Variants in ZDHHC7 observed in about 807,000 individuals in gnomAD.
ZDHHC7 encodes zDHHC palmitoyltransferase 7, also known as palmitoyltransferase ZDHHC7.
ZDHHC7 carries 12 observed loss-of-function variants against 34.1 expected under a neutral mutation model. The observed-to-expected ratio is 0.35, with a 90% CI of 0.23 to 0.57. The LOEUF (loss-of-function observed/expected upper bound fraction) is 0.57, where lower values mean the gene tolerates loss of function less well. Ranked by LOEUF, ZDHHC7 falls within the 20% of genes least tolerant of loss-of-function variation. The pLI, the probability that ZDHHC7 is intolerant of heterozygous loss-of-function variation, is 0.84. For missense variants in ZDHHC7, 388 were observed against 402.7 expected, an observed-to-expected ratio of 0.96 and a Z score of 0.31; for synonymous variants, 185 against 155.4, an observed-to-expected ratio of 1.19 and a Z score of -1.42.
Position 84,976,176 on chromosome 16 carries a change from C to A in ZDHHC7, c.*167G>T, listed in dbSNP as rs2072294329. On this transcript the variant is annotated 3_prime_UTR_variant, in exon 8 of 8. Transcript: ENST00000313732. The stretch of plus-strand genomic sequence containing the variant: ...TACAGGTGGGGACTGAGAGCCTCTT[C>A]CTCTGCCATCTGTGACTATAAATAT... 1 of 866,404 alleles carries A rather than the reference C, an allele frequency of 1.2e-6. No homozygotes were observed. Among genetic ancestry groups the A allele is most frequent in the Non-Finnish European group, 1.7e-6 (1 of 573,346 alleles). The allele number at this position is 866,404 out of a possible 1,614,324, so 53.7% of individuals were successfully genotyped here. A position where few individuals can be genotyped will look rare whatever the true frequency, so the allele number is the denominator to read the frequency against.
chr16:85,012,270 C>A (rs1438229044), upstream of ZDHHC7, among the ~76,000 whole-genome samples: 1 of 151,264 alleles, frequency 6.6e-6, no homozygotes, highest in Non-Finnish European at 1.5e-5. Flanking sequence ...GTAATCCCAG[C>A]AGCTACTCGA....
chr16:85,024,326 G>C, the ZDHHC7 span, among the ~76,000 whole-genome samples: 2 of 147,318 alleles, frequency 1.4e-5, no homozygotes, highest in African/African-American at 5.0e-5. Flanking sequence ...CCGCCTCCCA[G>C]GTTCAAGTGA....
chr16:84,979,207 T>C lies in ZDHHC7; in HGVS notation c.519A>G (p.Arg173=). 1.3e-6 allele frequency: 2 copies of C among 1,598,272 alleles called. No homozygotes were observed. Among genetic ancestry groups the C allele is most frequent in the Non-Finnish European group, 1.7e-6 (2 of 1,176,008 alleles). ...TACTTACAGTGAAGAGCACAAAAAATCTTTGATTCTTTTCTCCTACACAAT... is the reference window on the plus strand; with the variant it reads ...TACTTACAGTGAAGAGCACAAAAAACCTTTGATTCTTTTCTCCTACACAAT... ...VNNCVGEKNQ[R]FFVLFTMYIA... is the part of the protein sequence containing the mutation. Residue 173 remains arginine (R), a synonymous_variant, in exon 5 of 8, where the codon AGA becomes AGG. Coordinates refer to ENST00000313732, the MANE Select transcript of ZDHHC7 (RefSeq NM_017740.3).
At chr16:84,982,159 C>A in intron 3 of ZDHHC7, 165 bp from the exon 4 acceptor site, 1 of 743,366 alleles carries the variant, frequency 1.3e-6, no homozygotes, top group Non-Finnish European at 2.1e-6. Context: ...GCCTGGTCAA[C>A]ATGGTGAAAC....
chr16:84,978,576 T>C (rs1043776774), intron 5 of ZDHHC7, among the ~76,000 whole-genome samples: 7 of 147,360 alleles, frequency 4.8e-5, no homozygotes, highest in African/African-American at 1.5e-4. Context: ...TATAAAAAAA[T>C]AAACGGCCGG....
intron 2 of ZDHHC7, among the ~76,000 whole-genome samples, chr16:84,991,943 T>G (rs2072514938): frequency 6.6e-6 from 1 of 151,842 alleles, no homozygotes; most frequent in Non-Finnish European, 1.5e-5. Context: ...CTCATGCCTG[T>G]AATCCCAGCA....
intron 1 of ZDHHC7, among the ~76,000 whole-genome samples, 174 bp from the exon 2 acceptor site, chr16:84,996,181 T>A: frequency 6.6e-6 from 1 of 152,352 alleles, no homozygotes; most frequent in Middle Eastern, 3.4e-3. Context: ...GATTACTAGG[T>A]AAATTCACAA....
At chr16:85,012,875 C>G (rs75205315), upstream of ZDHHC7, among the ~76,000 whole-genome samples, 20,876 of 151,946 alleles carry the variant, frequency 0.14, 1,794 homozygotes, top group East Asian at 0.31. Context: ...CCATTGCACT[C>G]CAACCTGGGT....
intron 4 of ZDHHC7, 147 bp from the exon 5 acceptor site, chr16:84,979,432 T>A: frequency 8.2e-7 from 1 of 1,220,732 alleles, no homozygotes; most frequent in Non-Finnish European, 1.1e-6. Flanking sequence ...ACTATATTCC[T>A]TTAAGGTTTA....
chr16:85,020,044 G>A, the ZDHHC7 span, among the ~76,000 whole-genome samples: 5 of 152,226 alleles, frequency 3.3e-5, no homozygotes, highest in Non-Finnish European at 5.9e-5. Context: ...CAGCTGGCAG[G>A]TGAGCAACAC....
chr16:84,995,777 CG>C (rs1389655114), intron 2 of ZDHHC7, 144 bp downstream of exon 2: 1 of 152,194 alleles, frequency 6.6e-6, no homozygotes. Context: ...CGGAAGGCAG[CG>C]GGTGAAAAGG....
chr16:84,988,653 G>C, intron 3 of ZDHHC7: 1 of 915,984 alleles, frequency 1.1e-6, no homozygotes, highest in East Asian at 2.7e-5. Context: ...TAGCTGTAGA[G>C]TCTGAGCGCA....
upstream of ZDHHC7, among the ~76,000 whole-genome samples, chr16:85,012,868 T>G (rs1331297186): frequency 6.6e-6 from 1 of 151,702 alleles, no homozygotes; most frequent in Non-Finnish European, 1.5e-5. Flanking sequence ...GATCGCGCCA[T>G]TGCACTCCAA....
upstream of ZDHHC7, among the ~76,000 whole-genome samples, chr16:85,015,172 T>A (rs2072829035): frequency 6.6e-6 from 1 of 151,292 alleles, no homozygotes; most frequent in African/African-American, 2.4e-5. Context: ...CAATCTCAGC[T>A]CAGTGCAACC....
At chr16:84,993,479 TG>T (rs11295884) in intron 2 of ZDHHC7, among the ~76,000 whole-genome samples, 19,291 of 150,688 alleles carry the variant, frequency 0.13, 1,466 homozygotes, top group East Asian at 0.33. Context: ...AAAACAAAAT[TG>T]TTTTTTTTTT....
intron 1 of ZDHHC7, among the ~76,000 whole-genome samples, chr16:85,010,039 A>C (rs576721127): frequency 1.5e-5 from 2 of 131,998 alleles, no homozygotes; most frequent in African/African-American, 3.2e-5. Flanking sequence ...GAATTTAACA[A>C]AGTGACTTTT....
chr16:85,002,410 G>C (rs2072665244), intron 1 of ZDHHC7, among the ~76,000 whole-genome samples: 1 of 152,186 alleles, frequency 6.6e-6, no homozygotes, highest in Non-Finnish European at 1.5e-5. Flanking sequence ...ACAGAACACA[G>C]CCTTGACAGG....
intron 3 of ZDHHC7, among the ~76,000 whole-genome samples, chr16:84,987,311 C>T (rs764991465): frequency 6.6e-6 from 1 of 152,194 alleles, no homozygotes; most frequent in Admixed American, 6.5e-5. Context: ...TGCTCAACAT[C>T]GTTGGTCATT....
intron 1 of ZDHHC7, among the ~76,000 whole-genome samples, chr16:84,997,682 C>A (rs548206415): frequency 6.6e-6 from 1 of 150,470 alleles, no homozygotes; most frequent in South Asian, 2.1e-4. Flanking sequence ...ATCACAAGGT[C>A]AGGAGATCGA....
Sources: gnomAD v4.1 joint callset for allele counts (sites outside exome capture counted in the v4.1 genomes callset) on GRCh38, gnomAD v4.1.1 for gene constraint, MANE v1.5 for transcripts, NCBI Gene and HGNC (gene_info 2026-07-23, HGNC 2026-07-21) for gene names.